CACNA1H: variants seen among roughly 807,000 people sequenced by gnomAD.
CACNA1H encodes the protein voltage-dependent T-type calcium channel subunit alpha-1H.
Under a neutral mutation model 192.5 loss-of-function variants are expected in CACNA1H, and 149 were observed. The observed-to-expected ratio is 0.77, with a 90% CI of 0.68 to 0.89. The LOEUF (loss-of-function observed/expected upper bound fraction) is 0.89, where lower values mean the gene tolerates loss of function less well. Ranked by LOEUF, CACNA1H falls within the 40% of genes least tolerant of loss-of-function variation. CACNA1H has a pLI of 0.00. For synonymous variants in CACNA1H, 2,202 were observed against 1,475.2 expected (o/e 1.49, Z -11.29); for missense variants, 4,257 against 3,423.5 (o/e 1.24, Z -6.08).
At chr16:1,194,624 A>C (rs1198002375) in intron 2 of CACNA1H, among the ~76,000 whole-genome samples, 1 of 152,184 alleles carries the variant, frequency 6.6e-6, no homozygotes, top group African/African-American at 2.4e-5. Context: ...CCATGTGGGC[A>C]GCTAGGCCCT....
intron 5 of CACNA1H, among the ~76,000 whole-genome samples, chr16:1,197,301 G>GTGGCTCT: frequency 6.6e-6 from 1 of 152,378 alleles, no homozygotes; most frequent in Admixed American, 6.5e-5. Flanking sequence ...GGACGCGTGT[G>GTGGCTCT]TGGCTCTTGG....
At chr16:1,216,872 G>C in intron 30 of CACNA1H, 60 bp from the exon 31 acceptor site, 1 of 1,381,114 alleles carries the variant, frequency 7.2e-7, no homozygotes, top group Non-Finnish European at 1.0e-6. Flanking sequence ...GTGCCCTGCA[G>C]GGTGGGCTGA....
chr16:1,158,067 C>G (rs938801721), intron 2 of CACNA1H: 2 of 152,296 alleles, frequency 1.3e-5, no homozygotes, highest in African/African-American at 4.8e-5. Flanking sequence ...CCATTAGTCT[C>G]TGAAGCCACC....
At chr16:1,160,096 G>A (rs1311193217) in intron 2 of CACNA1H, 1 of 152,326 alleles carries the variant, frequency 6.6e-6, no homozygotes, top group Non-Finnish European at 1.5e-5. Context: ...CCAAGCCACG[G>A]TCGCACAGTC....
At position 1,215,348 on chromosome 16, in the gene CACNA1H, A is replaced by G. The variant is rs781279677; in HGVS notation, c.5146A>G (p.Ile1716Val). The change falls in exon 29 of 35, where the codon ATC becomes GTC. Residue 1716 changes from isoleucine (I) to valine (V), a missense_variant. By Grantham distance (29) the Ile-to-Val change is conservative. Transcript: ENST00000348261. ...ALPINPTIIR[I>V]MRVLRIARVL... ...GCCCATCAACCCCACCATCATCCGC[A>G]TCATGCGCGTGCTTCGCATTGCCCG... 1.2e-6 allele frequency: 2 copies of G among 1,611,744 alleles called. No homozygotes were observed. The highest frequency in any genetic ancestry group is 1.1e-5 in the South Asian group (1 of 90,868).
Position 1,195,071 on chromosome 16 carries a change from C to A in CACNA1H, c.399C>A (p.Cys133Ter). 1.3e-6 allele frequency: 2 copies of A among 1,599,362 alleles called. No homozygotes were observed. The highest frequency in any genetic ancestry group is 2.3e-5 in the East Asian group (1 of 44,368). ...ACGTTGAGTGCGGCTCCGAGCGCTGCAACATCCTGGAGGTGAGGGGCGTGG... is the reference window on the plus strand; with the variant it reads ...ACGTTGAGTGCGGCTCCGAGCGCTGAAACATCCTGGAGGTGAGGGGCGTGG... The part of the protein sequence containing the change: ...CEDVECGSER[C>*]NILEAFDAFI... The change falls in exon 3 of 35, where the codon TGC (cysteine) becomes TGA (stop). Residue 133 changes from cysteine (C) to a stop codon, truncating the protein, a stop_gained. Coordinates refer to ENST00000348261, the MANE Select transcript of CACNA1H (RefSeq NM_021098.3). LOFTEE classifies it high-confidence loss of function.
intron 2 of CACNA1H, among the ~76,000 whole-genome samples, chr16:1,158,359 G>A (rs991617865): frequency 1.7e-4 from 26 of 152,100 alleles, no homozygotes; most frequent in Non-Finnish European, 1.5e-4. Context: ...AGAGGCCCCC[G>A]GGGGTGACGA....
intron 26 of CACNA1H, 77 bp downstream of exon 26, chr16:1,212,605 G>A: frequency 6.5e-7 from 1 of 1,538,234 alleles, no homozygotes; most frequent in Non-Finnish European, 8.8e-7. Context: ...TCCCAGGCCT[G>A]CTGGGGTCCT....
intron 2 of CACNA1H, among the ~76,000 whole-genome samples, chr16:1,192,412 C>T (rs1024595546): frequency 6.6e-6 from 1 of 152,096 alleles, no homozygotes; most frequent in East Asian, 1.9e-4. Context: ...GCTCTGACAC[C>T]ATCCACTCCA....
rs1346417134 is a variant in CACNA1H, at chr16:1,221,136, C to T, written c.*142C>T. The T allele has an allele frequency of 3.1e-6, 2 of 635,366 alleles. No homozygotes were observed. Among genetic ancestry groups the T allele is most frequent in the African/African-American group, 1.8e-5 (1 of 54,668 alleles). 39.4% of individuals were successfully genotyped at this position (635,366 alleles called of 1,614,324 possible). The stretch of plus-strand genomic sequence containing the variant: ...GCCCGGGGAGGATGACGGCCCAGGC[C>T]CTGGTTCTCTGCCCAGCGAAGCAGG... On this transcript the variant is annotated 3_prime_UTR_variant, in exon 35 of 35. Transcript: ENST00000348261.
intron 8 of CACNA1H, among the ~76,000 whole-genome samples, chr16:1,201,100 G>A (rs1281740242): frequency 1.3e-5 from 2 of 152,140 alleles, no homozygotes; most frequent in African/African-American, 2.4e-5. Flanking sequence ...GGCGTGTGTG[G>A]CCCCAGGTGT....
intron 2 of CACNA1H, among the ~76,000 whole-genome samples, chr16:1,184,344 G>A (rs556003046): frequency 1.3e-5 from 2 of 152,370 alleles, no homozygotes; most frequent in African/African-American, 2.4e-5. Context: ...GCCGGCAAGC[G>A]TGGGACCGAG....
rs749305814 is a variant in CACNA1H at position 1,200,336 on chromosome 16, G to A, written c.884G>A (p.Arg295Gln). Residue 295 changes from arginine to glutamine, a missense_variant, in exon 7 of 35, where the codon CGA (arginine) becomes CAA (glutamine). Arg to Gln is a conservative substitution (Grantham distance 43, BLOSUM62 1). Coordinates refer to ENST00000348261, the MANE Select transcript of CACNA1H (RefSeq NM_021098.3). ...AACCCGTTCATCTGCTCCTCACGCC[G>A]AGACAACGGCATGCAGAAGTGCTCG... is the stretch of plus-strand genomic sequence containing the variant. ...EENPFICSSR[R>Q]DNGMQKCSHI... 7 of 1,603,114 alleles carry A rather than the reference G, an allele frequency of 4.4e-6. No homozygotes were observed. In the East Asian group the frequency reaches 6.8e-5, roughly 15 times the overall value.
intron 33 of CACNA1H, 137 bp downstream of exon 33, chr16:1,218,788 G>A (rs1970242441): frequency 7.0e-6 from 8 of 1,145,452 alleles, no homozygotes; most frequent in Admixed American, 2.3e-5. Context: ...ATGGGGGCAG[G>A]CAGGAGGGAG....
At chr16:1,158,881 GC>G (rs537491671) in intron 2 of CACNA1H, among the ~76,000 whole-genome samples, 8 of 147,652 alleles carry the variant, frequency 5.4e-5, no homozygotes, top group South Asian at 2.1e-4. Context: ...GCCCCGCAGG[GC>G]CCCCGCTCAG....
At chr16:1,164,847 G>A (rs913384328) in intron 2 of CACNA1H, among the ~76,000 whole-genome samples, 1 of 152,224 alleles carries the variant, frequency 6.6e-6, no homozygotes, top group Non-Finnish European at 1.5e-5. Context: ...CCTGGGGTCT[G>A]GAGGAGGTGT....
intron 2 of CACNA1H, among the ~76,000 whole-genome samples, chr16:1,154,266 G>A (rs1019906289): frequency 3.3e-5 from 5 of 152,120 alleles, no homozygotes; most frequent in African/African-American, 4.8e-5. Context: ...CCCAGGGCCG[G>A]CTCCGGACGG....
intron 2 of CACNA1H, among the ~76,000 whole-genome samples, chr16:1,190,923 G>A (rs1223280712): frequency 6.6e-6 from 1 of 150,450 alleles, no homozygotes; most frequent in Non-Finnish European, 1.5e-5. Context: ...GGCACACTCG[G>A]GGTTTCGCTG....
chr16:1,166,732 C>CGG (rs1399649406), intron 2 of CACNA1H, among the ~76,000 whole-genome samples: 1 of 152,248 alleles, frequency 6.6e-6, no homozygotes, highest in Non-Finnish European at 1.5e-5. Flanking sequence ...GAGCTTTGTG[C>CGG]GGGCCGGTCG....
Sources: allele counts gnomAD v4.1 joint callset (sites outside exome capture counted in the v4.1 genomes callset), GRCh38; gene constraint gnomAD v4.1.1; transcripts MANE v1.5; gene names NCBI Gene and HGNC (gene_info 2026-07-23, HGNC 2026-07-21).